The following RAI1 variants were observed in gnomAD, a reference collection of about 807,000 sequenced individuals.
RAI1 encodes retinoic acid-induced protein 1.
In RAI1, 9 loss-of-function variants were observed where a neutral mutation model predicts 123.8. The observed-to-expected ratio is 0.07, with a 90% CI of 0.04 to 0.13. RAI1 has a LOEUF of 0.13. RAI1 is among the 10% of genes least tolerant of loss of function. The pLI is 1.00. For missense variants in RAI1, 2,256 were observed against 2,545.8 expected, an observed-to-expected ratio of 0.89 and a Z score of 2.45; for synonymous variants, 1,231 against 1,127.3, an observed-to-expected ratio of 1.09 and a Z score of -1.84.
rs1307812185 is a variant in RAI1 at position 17,783,155 on chromosome 17, G to A, written c.-16-9778G>A. Among the ~76,000 whole-genome samples the A allele has an allele frequency of 2.0e-5, 3 of 152,184 alleles. No homozygotes were observed. In the East Asian group the frequency reaches 5.8e-4, roughly 29 times the overall value. ...GCCTCCGCCTCATGGCGAGTGCAGC[G>A]CCCCCTTCCTCTCTCCTGGCGCCTG... On this transcript the variant is annotated intron_variant, in intron 2 of 5. Coordinates refer to ENST00000353383, the MANE Select transcript of RAI1 (RefSeq NM_030665.4).
chr17:17,810,031 G>A lies in RAI1; in HGVS notation c.*50G>A, dbSNP rs1158098230. 1.3e-6 allele frequency: 2 copies of A among 1,542,378 alleles called. No individual in the cohort carries two copies. Among genetic ancestry groups the A allele is most frequent in the Non-Finnish European group, 1.7e-6 (2 of 1,144,296 alleles). Reference sequence around the variant, plus strand: ...GCCGCCGGAGCCCGCCTGCCCGCCCGCCGCCGAAGGAGAGGAGCCGCCTGC... The same window carrying A: ...GCCGCCGGAGCCCGCCTGCCCGCCCACCGCCGAAGGAGAGGAGCCGCCTGC... On this transcript the variant is annotated 3_prime_UTR_variant, in exon 6 of 6. Transcript: ENST00000353383. The surrounding 1 kb of genome is among the most constrained non-coding windows in gnomAD (Gnocchi z 4.6).
At chr17:17,792,867 C>CCCCCTCCCTGCCCATCCT (rs1482268446) in intron 2 of RAI1, 66 bp from the exon 3 acceptor site, 2 of 1,116,284 alleles carry the variant, frequency 1.8e-6, no homozygotes, top group South Asian at 1.3e-5. Flanking sequence ...TCATCCTCTG[C>CCCCCTCCCTGCCCATCCT]CCCCTCCCTG....
intron 2 of RAI1, among the ~76,000 whole-genome samples, chr17:17,758,336 G>A (rs1447055076): frequency 6.6e-6 from 1 of 152,192 alleles, no homozygotes; most frequent in Non-Finnish European, 1.5e-5. Flanking sequence ...CAGCTGAAAG[G>A]AGGTCCCAGC....
At chr17:17,803,682 G>A in intron 3 of RAI1, 74 bp from the exon 4 acceptor site, 2 of 1,405,958 alleles carry the variant, frequency 1.4e-6, no homozygotes, top group Non-Finnish European at 1.0e-6. Flanking sequence ...CACTGCACCT[G>A]GCCTACCAGC....
At chr17:17,707,007 G>T (rs904678300) in intron 1 of RAI1, among the ~76,000 whole-genome samples, 7 of 152,230 alleles carry the variant, frequency 4.6e-5, no homozygotes, top group Non-Finnish European at 7.3e-5. Flanking sequence ...TCCTGTCTTA[G>T]TGGGAGACAG....
rs569783206 is a variant in RAI1, at chr17:17,764,115, T to C, written c.-16-28818T>C. Among the ~76,000 whole-genome samples the C allele has an allele frequency of 4.6e-5, 7 of 152,344 alleles. 1 individual carries two copies. The South Asian group carries it at 1.5e-3, about 32-fold the overall frequency. On this transcript the variant is annotated intron_variant, in intron 2 of 5. Coordinates refer to ENST00000353383, the MANE Select transcript of RAI1 (RefSeq NM_030665.4). ...CTTTGGCTGAGGAGGACAGGAAATA[T>C]TTGGTGGTGGTGCCGACACTGACCA...
intron 1 of RAI1, among the ~76,000 whole-genome samples, chr17:17,683,076 C>T (rs1229523066): frequency 6.6e-6 from 1 of 152,220 alleles, no homozygotes; most frequent in Non-Finnish European, 1.5e-5. Flanking sequence ...GTCCCCCGCC[C>T]CCCTTTTATG....
intron 1 of RAI1, among the ~76,000 whole-genome samples, chr17:17,690,259 C>T (rs1339454574): frequency 3.3e-5 from 5 of 151,796 alleles, no homozygotes; most frequent in East Asian, 1.9e-4. Flanking sequence ...TGGTGGTGGG[C>T]GCCTGTAATC....
At chr17:17,704,864 TG>T (rs5819620) in intron 1 of RAI1, among the ~76,000 whole-genome samples, 92,914 of 130,732 alleles carry the variant, frequency 0.71, 30,211 homozygotes, top group African/African-American at 0.83. Context: ...GGTTTTTGGG[TG>T]GGGGGGCCGG....
rs1474686820 is a variant in RAI1 at position 17,810,225 on chromosome 17, C to T, written c.*244C>T. The T allele has an allele frequency of 1.7e-6, 1 of 580,168 alleles. No individual in the cohort carries two copies. Among genetic ancestry groups the T allele is most frequent in the Non-Finnish European group, 2.9e-6 (1 of 340,618 alleles). 35.9% of individuals were successfully genotyped at this position (580,168 alleles called of 1,614,324 possible). A position where few individuals can be genotyped will look rare whatever the true frequency, so the allele number is the denominator to read the frequency against. ...CCGGAACCGGACGGCACAGGGCGTT[C>T]TTGCCCACCCCAGGGGCCAGGCTTG... On this transcript the variant is annotated 3_prime_UTR_variant, in exon 6 of 6. Transcript: ENST00000353383. This position sits in a 1 kb window ranked among gnomAD's most constrained non-coding sequence, Gnocchi z 4.6.
intron 1 of RAI1, among the ~76,000 whole-genome samples, chr17:17,697,987 G>C (rs747066066): frequency 6.6e-6 from 1 of 152,200 alleles, no homozygotes; most frequent in Non-Finnish European, 1.5e-5. Flanking sequence ...TGGGGCATCT[G>C]CTTTTCCATC....
At chr17:17,712,072 G>A (rs141781155) in intron 1 of RAI1, among the ~76,000 whole-genome samples, 2,654 of 152,330 alleles carry the variant, frequency 0.017, 76 homozygotes, top group African/African-American at 0.06. Flanking sequence ...ACACATGTCC[G>A]CAGGCAGAGG....
chr17:17,730,117 G>C (rs750017779), intron 2 of RAI1, among the ~76,000 whole-genome samples: 2 of 152,156 alleles, frequency 1.3e-5, no homozygotes, highest in Non-Finnish European at 2.9e-5. Context: ...ACTGAAGCAG[G>C]CAGAGAGACC....
Position 17,796,711 on chromosome 17 carries a change from G to A in RAI1, c.3763G>A (p.Gly1255Arg). 1.2e-6 allele frequency: 2 copies of A among 1,613,474 alleles called. No individual in the cohort carries two copies. The highest frequency in any genetic ancestry group is 1.3e-5 in the African/African-American group (1 of 75,026). ...CAGCAGCAGCAACGCCAGTGGCAAT[G>A]GGGGAGATGGGAAGGAGGAGAGGCC... is the stretch of plus-strand genomic sequence containing the variant. ...SSSSSNASGNGGDGKEERPEG... is the reference protein window; with the variant it reads ...SSSSSNASGNRGDGKEERPEG... The change falls in exon 3 of 6, where the codon GGG becomes AGG. Residue 1255 changes from glycine (G) to arginine (R), a missense_variant. By Grantham distance (125) the Gly-to-Arg change is moderately radical (BLOSUM62 -2). Around this residue, in one of 7 missense-constraint regions of RAI1, gnomAD observed 322 missense variants for 358.0 expected, o/e 0.90. Transcript: ENST00000353383. The surrounding 1 kb of genome is among the most constrained non-coding windows in gnomAD (Gnocchi z 5.8).
intron 1 of RAI1, among the ~76,000 whole-genome samples, chr17:17,716,248 G>A (rs887841720): frequency 6.6e-6 from 1 of 152,188 alleles, no homozygotes; most frequent in East Asian, 1.9e-4. Context: ...CTTGTGGGGT[G>A]GTTAAGCCAC....
chr17:17,741,809 T>C (rs1197445924), intron 2 of RAI1, among the ~76,000 whole-genome samples: 1 of 152,270 alleles, frequency 6.6e-6, no homozygotes, highest in South Asian at 2.1e-4. Flanking sequence ...TCCAGGGTGC[T>C]GGGCCTGTCG....
intron 2 of RAI1, among the ~76,000 whole-genome samples, chr17:17,724,828 C>G (rs1916024359): frequency 6.6e-6 from 1 of 152,184 alleles, no homozygotes; most frequent in Non-Finnish European, 1.5e-5. Context: ...CTCCCTTCCT[C>G]GGCGGCTTCC....
At chr17:17,784,533 G>A (rs2031751831) in intron 2 of RAI1, among the ~76,000 whole-genome samples, 1 of 152,222 alleles carries the variant, frequency 6.6e-6, no homozygotes, top group South Asian at 2.1e-4. Flanking sequence ...CAAAATGAGG[G>A]GGAGATTTGA....
chr17:17,698,266 C>A (rs914700733), intron 1 of RAI1, among the ~76,000 whole-genome samples: 1 of 152,198 alleles, frequency 6.6e-6, no homozygotes, highest in Non-Finnish European at 1.5e-5. Context: ...CTGGGTGGCT[C>A]ATGGCAGGCT....
Sources: gnomAD v4.1 joint callset for allele counts (sites outside exome capture counted in the v4.1 genomes callset) on GRCh38, gnomAD v4.1.1 for gene constraint, gnomAD v4.1.1 regional missense constraint, Gnocchi (gnomAD v3.1) non-coding constraint, MANE v1.5 for transcripts, NCBI Gene and HGNC (gene_info 2026-07-23, HGNC 2026-07-21) for gene names.